The following ZBBX variants were observed in gnomAD, a reference collection of about 807,000 sequenced individuals.
The protein encoded by ZBBX is zinc finger B-box domain containing.
Under a neutral mutation model 108.5 loss-of-function variants are expected in ZBBX, and 101 were observed. That is an observed-to-expected ratio of 0.93 (90% CI 0.79 to 1.10). ZBBX has a LOEUF of 1.10. ZBBX is among the 50% of genes least tolerant of loss of function. The pLI, the probability that ZBBX is intolerant of heterozygous loss-of-function variation, is 0.00. For missense variants in ZBBX, 1,009 were observed against 941.4 expected, an observed-to-expected ratio of 1.07 and a Z score of -0.94; for synonymous variants, 356 against 323.4, an observed-to-expected ratio of 1.10 and a Z score of -1.08.
chr3:167,221,135 T>C, the ZBBX span, among the ~76,000 whole-genome samples: 1 of 151,934 alleles, frequency 6.6e-6, no homozygotes, highest in Non-Finnish European at 1.5e-5. Flanking sequence ...GTTCATACTA[T>C]GTAAAGCAAT....
At chr3:167,330,515 G>C (rs571565238) in intron 10 of ZBBX, among the ~76,000 whole-genome samples, 1 of 152,148 alleles carries the variant, frequency 6.6e-6, no homozygotes, top group Admixed American at 6.5e-5. Context: ...TACATTTTGA[G>C]ATAGGGCCTA....
intron 4 of ZBBX, 84 bp from the exon 5 acceptor site, chr3:167,368,658 G>T (rs1745707909): frequency 1.5e-6 from 2 of 1,316,398 alleles, no homozygotes; most frequent in East Asian, 5.8e-5. Context: ...TGTTAAATTA[G>T]AATCATGAAT....
intron 9 of ZBBX, among the ~76,000 whole-genome samples, chr3:167,338,444 C>T (rs1418300853): frequency 1.3e-5 from 2 of 151,928 alleles, no homozygotes; most frequent in African/African-American, 4.8e-5. Flanking sequence ...AAAATTCTAA[C>T]TACCATCATC....
chr3:167,272,909 C>G (rs1726793807), intron 20 of ZBBX, among the ~76,000 whole-genome samples: 1 of 152,196 alleles, frequency 6.6e-6, no homozygotes, highest in African/African-American at 2.4e-5. Context: ...ATTCGTTTTA[C>G]TAAGGAGAGC....
chr3:167,310,587 C>T (rs1014509395), intron 16 of ZBBX, among the ~76,000 whole-genome samples: 3 of 152,028 alleles, frequency 2.0e-5, no homozygotes, highest in African/African-American at 4.8e-5. Flanking sequence ...TACATGTTGG[C>T]GAGGGCTGGG....
intron 18 of ZBBX, among the ~76,000 whole-genome samples, chr3:167,295,710 AATATATATATATATATATAT>A (rs1181996279): frequency 1.3e-5 from 1 of 78,952 alleles, no homozygotes; most frequent in Non-Finnish European, 2.4e-5. Context: ...AAAAAATTGG[AATATATATATATATATATAT>A]ATATATATAT....
chr3:167,404,586 G>C (rs1419180720), intron 1 of ZBBX, among the ~76,000 whole-genome samples: 1 of 152,106 alleles, frequency 6.6e-6, no homozygotes, highest in Admixed American at 6.6e-5. Flanking sequence ...TAGCTGGGAA[G>C]GACAACAGAA....
the ZBBX span, among the ~76,000 whole-genome samples, chr3:167,179,735 T>C: frequency 1.3e-5 from 2 of 152,198 alleles, no homozygotes; most frequent in African/African-American, 4.8e-5. Context: ...TGAGCCAGAA[T>C]AAGAAGTTTT....
At chr3:167,186,432 TG>T in the ZBBX span, among the ~76,000 whole-genome samples, 1 of 152,026 alleles carries the variant, frequency 6.6e-6, no homozygotes, top group Admixed American at 6.6e-5. Flanking sequence ...GAAGAAGGGA[TG>T]GAAAAAGCTA....
At chr3:167,279,994 G>C (rs1242812239) in intron 20 of ZBBX, among the ~76,000 whole-genome samples, 1 of 151,802 alleles carries the variant, frequency 6.6e-6, no homozygotes, top group Admixed American at 6.6e-5. Context: ...ACAAGCAATG[G>C]GGAAAGGATT....
chr3:167,392,208 C>T (rs547815016), intron 1 of ZBBX, among the ~76,000 whole-genome samples: 3 of 151,888 alleles, frequency 2.0e-5, no homozygotes, highest in African/African-American at 7.2e-5. Flanking sequence ...TTGTGATTTA[C>T]CCATGTTAAT....
chr3:167,346,408 G>A (rs1478660073), intron 9 of ZBBX, among the ~76,000 whole-genome samples: 1 of 151,822 alleles, frequency 6.6e-6, no homozygotes, highest in Non-Finnish European at 1.5e-5. Context: ...GAGATCGTAA[G>A]TAAAACAAGG....
the ZBBX span, among the ~76,000 whole-genome samples, chr3:167,219,852 A>G: frequency 2.0e-5 from 3 of 151,946 alleles, no homozygotes; most frequent in Non-Finnish European, 4.4e-5. Flanking sequence ...AAAATCAATA[A>G]ACCTTTATCC....
chr3:167,275,596 G>A (rs892637433), intron 20 of ZBBX, among the ~76,000 whole-genome samples: 1 of 152,214 alleles, frequency 6.6e-6, no homozygotes, highest in Admixed American at 6.5e-5. Flanking sequence ...CGCACCAGGA[G>A]ATTATATCCC....
intron 20 of ZBBX, among the ~76,000 whole-genome samples, chr3:167,269,513 T>C (rs1220114700): frequency 1.3e-5 from 2 of 152,136 alleles, no homozygotes; most frequent in Non-Finnish European, 2.9e-5. Flanking sequence ...TATTCACTCG[T>C]TGTGAAGGAA....
the ZBBX span, among the ~76,000 whole-genome samples, chr3:167,233,478 A>G: frequency 2.0e-5 from 3 of 151,686 alleles, no homozygotes; most frequent in African/African-American, 7.3e-5. Context: ...CAGCTAGTGG[A>G]GAAAGAAATA....
intron 18 of ZBBX, 34 bp from the exon 19 acceptor site, chr3:167,289,017 T>C: frequency 6.9e-7 from 1 of 1,455,318 alleles, no homozygotes; most frequent in Non-Finnish European, 9.3e-7. Flanking sequence ...AACATAAAGT[T>C]TGAAAAGAAG....
chr3:167,392,753 G>T (rs2108637719), intron 1 of ZBBX: 1 of 151,894 alleles, frequency 6.6e-6, no homozygotes, highest in East Asian at 1.9e-4. Flanking sequence ...GTTGGTGATT[G>T]ACTTCATCTG....
At chr3:167,221,239 G>A in the ZBBX span, among the ~76,000 whole-genome samples, 4 of 151,588 alleles carry the variant, frequency 2.6e-5, no homozygotes, top group African/African-American at 9.7e-5. Context: ...CAAAACTGGA[G>A]GAATCACATT....
Sources: allele counts gnomAD v4.1 joint callset (sites outside exome capture counted in the v4.1 genomes callset), GRCh38; gene constraint gnomAD v4.1.1; transcripts MANE v1.5; gene names NCBI Gene and HGNC (gene_info 2026-07-23, HGNC 2026-07-21).